ADI1: variants seen among roughly 807,000 people sequenced by gnomAD.
ADI1 encodes the protein acireductone dioxygenase 1.
ADI1 carries 21 observed loss-of-function variants against 18.7 expected under a neutral mutation model. The observed-to-expected ratio is 1.13, with a 90% confidence interval of 0.80 to 1.62. The LOEUF (loss-of-function observed/expected upper bound fraction) is 1.62, where lower values mean the gene tolerates loss of function less well. Among genes scored for constraint, ADI1 ranks in the 40% most tolerant of loss-of-function variants. The pLI is 0.00. For missense variants in ADI1, 245 were observed against 254.9 expected (o/e 0.96, Z 0.26); for synonymous variants, 90 against 100.1 (o/e 0.90, Z 0.60).
chr2:3,519,146 A>C (rs1171394234), intron 1 of ADI1: 2 of 496,242 alleles, frequency 4.0e-6, no homozygotes, highest in South Asian at 1.1e-4. Flanking sequence ...CAGCACACCC[A>C]GGCGCCGCGC....
Position 3,516,082 on chromosome 2 carries a change from A to G in ADI1, c.121-2106T>C, listed in dbSNP as rs950529663. ...TGACACGTGTCATAAGTTTAAATAT[A>G]CGAATGTTGAAACTTAACACAAATG... On this transcript the variant is annotated intron_variant, in intron 1 of 3. Coordinates refer to ENST00000327435, the MANE Select transcript of ADI1 (RefSeq NM_018269.4). 1.4e-5 allele frequency: 14 copies of G among 972,032 alleles called. No homozygotes were observed. In the South Asian group the frequency reaches 4.8e-4, roughly 33 times the overall value. The allele number at this position is 972,032 out of a possible 1,614,324, so 60.2% of individuals were successfully genotyped here. A position where few individuals can be genotyped will look rare whatever the true frequency, so the allele number is the denominator to read the frequency against.
chr2:3,514,776 A>G (rs758249835), intron 1 of ADI1: 11 of 1,545,786 alleles, frequency 7.1e-6, no homozygotes, highest in Non-Finnish European at 9.6e-6. Flanking sequence ...TATGTTTTGC[A>G]ATAAACTGCA....
chr2:3,507,697 C>T (rs1419946615), intron 2 of ADI1, among the ~76,000 whole-genome samples: 1 of 152,154 alleles, frequency 6.6e-6, no homozygotes. Context: ...AGGTCTGAAT[C>T]TCAGATCTAA....
chr2:3,516,911 T>C, intron 1 of ADI1: 1 of 626,070 alleles, frequency 1.6e-6, no homozygotes, highest in Non-Finnish European at 1.9e-6. Context: ...GTGTGTGGCT[T>C]TTTTGTTTTT....
Position 3,516,691 on chromosome 2 carries a change from A to AT in ADI1, c.120+2676dup, listed in dbSNP as rs1309171931. The AT allele has an allele frequency of 1.5e-5, 15 of 975,166 alleles. No individual in the cohort carries two copies. The East Asian group carries it at 1.4e-3, about 89-fold the overall frequency. The allele number at this position is 975,166 out of a possible 1,614,324, so 60.4% of individuals were successfully genotyped here. A position where few individuals can be genotyped will look rare whatever the true frequency, so the allele number is the denominator to read the frequency against. On this transcript the variant is annotated intron_variant, in intron 1 of 3. Transcript: ENST00000327435. Reference sequence around the variant, plus strand: ...GTTTATAAATTGCCCAGTTTAAGCTATTTTTGTCATTTTGTTATAGCAGCA... The same window carrying AT: ...GTTTATAAATTGCCCAGTTTAAGCTATTTTTTGTCATTTTGTTATAGCAGCA...
rs767547496 is a variant in ADI1, at chr2:3,513,944, T to C, written c.153A>G (p.Glu51=). 6.8e-6 allele frequency: 11 copies of C among 1,611,472 alleles called. No homozygotes were observed. The African/African-American group carries it at 9.4e-5, about 14-fold the overall frequency. The part of the protein sequence containing the change: ...LDADKYENDP[E]LEKIRRERNY... ...TCCTCTCTCTTCGGATCTTTTCTAA[T>C]TCTGGATCATTCTCATATTTGTCAG... The change falls in exon 2 of 4, where the codon GAA becomes GAG. Residue 51 remains glutamate, a synonymous_variant. Transcript: ENST00000327435.
intron 1 of ADI1, among the ~76,000 whole-genome samples, chr2:3,518,381 C>A (rs1407756583): frequency 6.6e-6 from 1 of 152,242 alleles, no homozygotes; most frequent in Non-Finnish European, 1.5e-5. Flanking sequence ...GATCCAGTCA[C>A]CCCTCAGCCT....
chr2:3,509,184 G>A (rs919882540), intron 2 of ADI1, among the ~76,000 whole-genome samples: 1 of 152,076 alleles, frequency 6.6e-6, no homozygotes, highest in Non-Finnish European at 1.5e-5. Flanking sequence ...AATATGTGAG[G>A]CTAACACTGA....
chr2:3,499,111 C>A lies in ADI1; in HGVS notation c.421-29G>T, dbSNP rs906416607. 4 of 1,602,166 alleles carry A rather than the reference C, an allele frequency of 2.5e-6. No individual in the cohort carries two copies. The African/African-American group carries it at 5.6e-5, about 22-fold the overall frequency. On this transcript the variant is annotated intron_variant, in intron 3 of 3. Transcript: ENST00000327435. Reference sequence around the variant, plus strand: ...GAAAACAGACAAACACACCCAGCATCTCATTAAACCAGCCGGCCTTCTACT... The same window carrying A: ...GAAAACAGACAAACACACCCAGCATATCATTAAACCAGCCGGCCTTCTACT...
chr2:3,500,492 G>C, intron 3 of ADI1: 5 of 482,088 alleles, frequency 1.0e-5, no homozygotes, highest in Non-Finnish European at 1.5e-5. Context: ...GCCAAGCAAG[G>C]GCTGGGGCAG....
At position 3,500,701 on chromosome 2, in the gene ADI1, G is replaced by A. The variant is rs114168205; in HGVS notation, c.420+113C>T. 1,117 of 1,409,456 alleles carry A rather than the reference G, an allele frequency of 7.9e-4. 5 individuals carry two copies. In the African/African-American group the frequency reaches 0.014, roughly 18 times the overall value. The allele number at this position is 1,409,456 out of a possible 1,614,324, so 87.3% of individuals were successfully genotyped here. Reference sequence around the variant, plus strand: ...CTTGAAGCACAGGTCGAGGAGTCCCGAGCCCAGCGACCGCGCTTGGAGTCT... The same window carrying A: ...CTTGAAGCACAGGTCGAGGAGTCCCAAGCCCAGCGACCGCGCTTGGAGTCT... On this transcript the variant is annotated intron_variant, in intron 3 of 3. Transcript: ENST00000327435.
rs1008743228 is a variant in ADI1 at position 3,518,718 on chromosome 2, C to T, written c.120+650G>A. 2.6e-5 allele frequency among the ~76,000 whole-genome samples: 4 copies of T among 152,146 alleles called. No individual in the cohort carries two copies. In the South Asian group the frequency reaches 8.3e-4, roughly 32 times the overall value. ...GTCCCTCCCCCAGGACACTTTCAAG[C>T]GGAGTCCCCCTTCCTCCGATAGAAG... On this transcript the variant is annotated intron_variant, in intron 1 of 3. Transcript: ENST00000327435.
At chr2:3,499,269 C>A (rs1209331812) in intron 3 of ADI1, among the ~76,000 whole-genome samples, 187 bp from the exon 4 acceptor site, 1 of 152,244 alleles carries the variant, frequency 6.6e-6, no homozygotes, top group Non-Finnish European at 1.5e-5. Context: ...GGTGGTGCAG[C>A]TGGCCCTGCC....
chr2:3,508,158 C>A lies in ADI1; in HGVS notation c.240+5699G>T, dbSNP rs181730578. Among the ~76,000 whole-genome samples, 514 of 151,818 alleles carry A rather than the reference C, an allele frequency of 3.4e-3. 2 individuals carry two copies. The highest frequency in any genetic ancestry group is 0.012 in the African/African-American group (492 of 41,380). ...GACCATCCTGGCTAACACAGTGAAA[C>A]CCCATCTCTACTAAAAATACGAAAA... On this transcript the variant is annotated intron_variant, in intron 2 of 3. Coordinates refer to ENST00000327435, the MANE Select transcript of ADI1 (RefSeq NM_018269.4).
At chr2:3,499,753 G>A (rs1365392228) in intron 3 of ADI1, among the ~76,000 whole-genome samples, 3 of 152,122 alleles carry the variant, frequency 2.0e-5, no homozygotes, top group Non-Finnish European at 4.4e-5. Flanking sequence ...TCAGGGCTGA[G>A]GCTTGTAGAC....
At chr2:3,499,314 G>A (rs1397216412) in intron 3 of ADI1, among the ~76,000 whole-genome samples, 1 of 152,236 alleles carries the variant, frequency 6.6e-6, no homozygotes, top group African/African-American at 2.4e-5. Context: ...ATCTGGAGCT[G>A]AGGCTTGGTG....
At chr2:3,500,650 C>T in intron 3 of ADI1, 164 bp downstream of exon 3, 1 of 918,498 alleles carries the variant, frequency 1.1e-6, no homozygotes. Flanking sequence ...TCACCTCGGA[C>T]ATCGCCTGCG....
intron 2 of ADI1, 143 bp downstream of exon 2, chr2:3,513,714 A>G (rs949626771): frequency 5.7e-5 from 51 of 900,860 alleles, no homozygotes; most frequent in Non-Finnish European, 9.4e-6. Flanking sequence ...TTTTCTTATA[A>G]ATTACACAGT....
chr2:3,501,993 C>G (rs978487558), intron 2 of ADI1, among the ~76,000 whole-genome samples: 6 of 150,798 alleles, frequency 4.0e-5, no homozygotes, highest in Admixed American at 1.3e-4. Context: ...ATCTCCACAC[C>G]TCCCGCTCCA....
Sources: allele counts gnomAD v4.1 joint callset (sites outside exome capture counted in the v4.1 genomes callset), GRCh38; gene constraint gnomAD v4.1.1; transcripts MANE v1.5; gene names NCBI Gene and HGNC (gene_info 2026-07-23, HGNC 2026-07-21).